FBLN2: variants seen among roughly 807,000 people sequenced by gnomAD.
FBLN2 encodes the protein fibulin-2.
FBLN2 carries 81 observed loss-of-function variants against 123.7 expected under a neutral mutation model. That is an observed-to-expected ratio of 0.65 (90% CI 0.55 to 0.79). The LOEUF (loss-of-function observed/expected upper bound fraction) is 0.79, where lower values mean the gene tolerates loss of function less well. FBLN2 is among the 30% of genes least tolerant of loss of function. The probability of loss-of-function intolerance (pLI) is 0.00; values close to 1 mark genes in which losing one functional copy is unlikely to be tolerated. For synonymous variants in FBLN2, 699 were observed against 701.4 expected, an observed-to-expected ratio of 1.00 and a Z score of 0.05; for missense variants, 1,603 against 1,681.3, an observed-to-expected ratio of 0.95 and a Z score of 0.81.
chr3:13,549,801 C>T lies in FBLN2; in HGVS notation c.-42+593C>T, dbSNP rs1458561670. 2.0e-5 allele frequency among the ~76,000 whole-genome samples: 3 copies of T among 152,070 alleles called. No individual in the cohort carries two copies. In the East Asian group the frequency reaches 5.8e-4, roughly 30 times the overall value. ...ATCCTCCCTCTCCCAGCCCCATGCT[C>T]ACCCCGCCAGCTCCCCCAGGCCAGA... On this transcript the variant is annotated intron_variant, in intron 1 of 17. Transcript: ENST00000404922.
chr3:13,549,919 A>C (rs760981592), intron 1 of FBLN2, among the ~76,000 whole-genome samples: 7 of 152,180 alleles, frequency 4.6e-5, no homozygotes, highest in Non-Finnish European at 7.3e-5. Context: ...TGCCTCTAGC[A>C]GACAGTTGTG....
At chr3:13,621,628 C>T in intron 8 of FBLN2, 147 bp from the exon 9 acceptor site, 1 of 777,068 alleles carries the variant, frequency 1.3e-6, no homozygotes, top group South Asian at 1.8e-5. Flanking sequence ...CACTTGGGCC[C>T]AAGGCCCAGC....
chr3:13,583,270 G>A (rs936844764), intron 2 of FBLN2, among the ~76,000 whole-genome samples: 13 of 152,280 alleles, frequency 8.5e-5, no homozygotes, highest in African/African-American at 2.9e-4. Flanking sequence ...ATCACTGGAC[G>A]CGTATCAGTC....
intron 1 of FBLN2, among the ~76,000 whole-genome samples, chr3:13,566,938 G>A (rs1703765302): frequency 6.6e-6 from 1 of 152,276 alleles, no homozygotes; most frequent in Non-Finnish European, 1.5e-5. Flanking sequence ...CTGGGTGGAT[G>A]CAGAACCAGG....
In FBLN2 at chr3:13,629,925, C is replaced by T. The variant is rs199603685; in HGVS notation, c.2948C>T (p.Ala983Val). The change falls in exon 14 of 18, where the codon GCG becomes GTG. Residue 983 changes from alanine (A) to valine (V), a missense_variant. Physicochemically the swap from Ala to Val is moderately conservative, Grantham distance 64. Coordinates refer to ENST00000404922, the MANE Select transcript of FBLN2 (RefSeq NM_001004019.2). ...TGCGCCTCCGGGTTCCTGCTAGCAG[C>T]GGACGGCAAGCGCTGTGAAGGTAGG... ...CSCASGFLLA[A>V]DGKRCEDVNE... The T allele has an allele frequency of 5.0e-5, 81 of 1,610,240 alleles. No individual in the cohort carries two copies. In the Admixed American group the frequency reaches 8.4e-4, roughly 17 times the overall value.
At chr3:13,622,548 T>C (rs1705889891) in intron 9 of FBLN2, among the ~76,000 whole-genome samples, 1 of 152,174 alleles carries the variant, frequency 6.6e-6, no homozygotes, top group South Asian at 2.1e-4. Context: ...AGCGGAGCTC[T>C]CCTCTCTGAG....
At position 13,631,459 on chromosome 3, in the gene FBLN2, T is replaced by G. The variant is rs746782331; in HGVS notation, c.3214+2T>G. The G allele has an allele frequency of 6.3e-7, 1 of 1,583,954 alleles. No individual in the cohort carries two copies. The highest frequency in any genetic ancestry group is 1.3e-5 in the African/African-American group (1 of 74,150). On this transcript the variant is annotated splice_donor_variant, in intron 16 of 17. Transcript: ENST00000404922. LOFTEE classifies it high-confidence loss of function. ...CGGCCAACGGGAGGTCCTGCAAGGG[T>G]GAGCAAGTCCCCCCACACGCCCCCG...
At chr3:13,585,940 T>G (rs1248566101) in intron 2 of FBLN2, among the ~76,000 whole-genome samples, 1 of 152,254 alleles carries the variant, frequency 6.6e-6, no homozygotes, top group Non-Finnish European at 1.5e-5. Flanking sequence ...TACTGTGCGC[T>G]AGTGTGTTAT....
chr3:13,556,820 T>A (rs1703476703), intron 1 of FBLN2, among the ~76,000 whole-genome samples: 1 of 152,154 alleles, frequency 6.6e-6, no homozygotes, highest in Non-Finnish European at 1.5e-5. Context: ...CAGGGGCCCC[T>A]TTGCACAGGC....
chr3:13,582,407 G>C (rs979481573), intron 2 of FBLN2, among the ~76,000 whole-genome samples: 3 of 152,204 alleles, frequency 2.0e-5, no homozygotes, highest in Non-Finnish European at 4.4e-5. Context: ...GCACCTCCTC[G>C]AGGCTAGGCC....
Position 13,633,119 on chromosome 3 carries a change from AAC to A in FBLN2, c.3214+1665_3214+1666del, listed in dbSNP as rs377647143. ...GCTGTTTATTTTCTGACCTACACCA[AAC>A]ACCTTGGGGGTGCTCAGGACACCTG... On this transcript the variant is annotated intron_variant, in intron 16 of 17. Coordinates refer to ENST00000404922, the MANE Select transcript of FBLN2 (RefSeq NM_001004019.2). Among the ~76,000 whole-genome samples, 224 of 152,338 alleles carry A rather than the reference AAC, an allele frequency of 1.5e-3. 4 individuals are homozygous for A. The South Asian group carries it at 0.029, about 20-fold the overall frequency.
intron 1 of FBLN2, among the ~76,000 whole-genome samples, chr3:13,563,399 G>A (rs1574944750): frequency 6.6e-6 from 1 of 152,212 alleles, no homozygotes; most frequent in Non-Finnish European, 1.5e-5. Context: ...TGAAGTGCCT[G>A]GGAGGTCACT....
chr3:13,597,557 G>A lies in FBLN2; in HGVS notation c.1307-10505G>A, dbSNP rs1478376250. Among the ~76,000 whole-genome samples the A allele has an allele frequency of 5.9e-5, 9 of 152,224 alleles. No homozygotes were observed. In the East Asian group the frequency reaches 1.7e-3, roughly 29 times the overall value. On this transcript the variant is annotated intron_variant, in intron 2 of 17. Transcript: ENST00000404922. ...TCTTTCCCTGGTGCAGTGTTGGTGT[G>A]CTCCTTGTGGGTTATTGCACGTGGT...
chr3:13,597,034 T>C (rs1436726684), intron 2 of FBLN2, among the ~76,000 whole-genome samples: 2 of 152,096 alleles, frequency 1.3e-5, no homozygotes, highest in African/African-American at 4.8e-5. Flanking sequence ...TGGGCTTAAG[T>C]GATCCTCCTC....
chr3:13,608,165 C>T lies in FBLN2; in HGVS notation c.1410C>T (p.Asn470=), dbSNP rs13327200. Residue 470 remains asparagine, a synonymous_variant, in exon 3 of 18, where the codon AAC becomes AAT. Transcript: ENST00000404922. The part of the protein sequence containing the change: ...LEIPESGTED[N]VCRTAQRHCC... ...TCCCTGAGAGTGGCACTGAGGACAA[C>T]GTCTGCAGGTAGGGTGGGCTCCCTG... is the stretch of plus-strand genomic sequence containing the variant. The T allele has an allele frequency of 0.014, 22,223 of 1,583,756 alleles. 2,552 individuals carry two copies. In the African/African-American group the frequency reaches 0.26, roughly 18 times the overall value.
At chr3:13,549,589 G>T (rs976937146) in intron 1 of FBLN2, among the ~76,000 whole-genome samples, 1 of 28,332 alleles carries the variant, frequency 3.5e-5, no homozygotes, top group Non-Finnish European at 8.5e-5. Flanking sequence ...CACCCCGACC[G>T]CAGGACCTTG....
intron 2 of FBLN2, among the ~76,000 whole-genome samples, chr3:13,606,514 G>T (rs1466053246): frequency 1.3e-5 from 2 of 152,202 alleles, no homozygotes; most frequent in African/African-American, 2.4e-5. Context: ...GAGGGGTGCT[G>T]ACCCGACTAA....
chr3:13,579,536 A>G lies in FBLN2; in HGVS notation c.1306+7875A>G, dbSNP rs143122800. On this transcript the variant is annotated intron_variant, in intron 2 of 17. Coordinates refer to ENST00000404922, the MANE Select transcript of FBLN2 (RefSeq NM_001004019.2). The stretch of plus-strand genomic sequence containing the variant: ...GGTGCGTGCACGTATTTTCACAAGC[A>G]CTAACATAGGACGCACAGCGTTCTG... Among the ~76,000 whole-genome samples, 536 of 152,378 alleles carry G rather than the reference A, an allele frequency of 3.5e-3. 1 individual carries two copies. The highest frequency in any genetic ancestry group is 8.9e-3 in the South Asian group (43 of 4,830).
chr3:13,556,111 G>A (rs2125032150), intron 1 of FBLN2, among the ~76,000 whole-genome samples: 1 of 152,304 alleles, frequency 6.6e-6, no homozygotes, highest in South Asian at 2.1e-4. Flanking sequence ...CATGTCCTCT[G>A]TGCCCCCAGC....
Sources: allele counts gnomAD v4.1 joint callset (sites outside exome capture counted in the v4.1 genomes callset), GRCh38; gene constraint gnomAD v4.1.1; transcripts MANE v1.5; gene names NCBI Gene and HGNC (gene_info 2026-07-23, HGNC 2026-07-21).